The following SPHKAP variants were observed in gnomAD, a reference collection of about 807,000 sequenced individuals.
The protein encoded by SPHKAP is A-kinase anchor protein SPHKAP.
A neutral mutation model predicts 137.5 loss-of-function variants in SPHKAP; 67 were observed. That is an observed-to-expected ratio of 0.49 (90% CI 0.40 to 0.60). SPHKAP has a LOEUF of 0.60. Ranked by LOEUF, SPHKAP falls within the 20% of genes least tolerant of loss-of-function variation. The probability of loss-of-function intolerance (pLI) is 0.00; values close to 1 mark genes in which losing one functional copy is unlikely to be tolerated. For missense variants in SPHKAP, 2,097 were observed against 2,069.3 expected (o/e 1.01, Z -0.26); for synonymous variants, 813 against 785.3 (o/e 1.04, Z -0.59).
chr2:227,986,730 C>T lies in SPHKAP; in HGVS notation c.4959+4270G>A, dbSNP rs576197673. 3.0e-4 allele frequency among the ~76,000 whole-genome samples: 46 copies of T among 152,298 alleles called. No individual in the cohort carries two copies. The South Asian group carries it at 9.3e-3, about 31-fold the overall frequency. ...CACATACCCATTTCCTCCTTGGGCA[C>T]ATTCCTTTCTCTGCACTGCCCCCAT... On this transcript the variant is annotated intron_variant, in intron 11 of 11. Transcript: ENST00000392056.
chr2:227,994,079 C>G, intron 8 of SPHKAP: 1 of 985,354 alleles, frequency 1.0e-6, no homozygotes, highest in Non-Finnish European at 1.2e-6. Flanking sequence ...CTCATGTTCT[C>G]CCTTTGACAT....
chr2:228,103,033 C>T (rs530389005), intron 3 of SPHKAP, among the ~76,000 whole-genome samples: 1 of 152,278 alleles, frequency 6.6e-6, no homozygotes, highest in East Asian at 1.9e-4. Context: ...GTGTGAGCCA[C>T]CGCACCAGGC....
intron 1 of SPHKAP, among the ~76,000 whole-genome samples, chr2:228,136,292 T>C (rs1028253410): frequency 6.6e-6 from 1 of 152,234 alleles, no homozygotes; most frequent in Admixed American, 6.5e-5. Context: ...ACTGGTTTCA[T>C]GCTGAAACCG....
chr2:228,098,292 G>C (rs1698062059), intron 3 of SPHKAP, among the ~76,000 whole-genome samples: 1 of 152,114 alleles, frequency 6.6e-6, no homozygotes, highest in African/African-American at 2.4e-5. Context: ...CTTTTAAGAA[G>C]TGTCTGTTCC....
chr2:228,097,688 T>C (rs999636295), intron 3 of SPHKAP, among the ~76,000 whole-genome samples: 1 of 152,094 alleles, frequency 6.6e-6, no homozygotes, highest in African/African-American at 2.4e-5. Context: ...GTCTCCAGTG[T>C]CTGTTGTTCC....
At chr2:228,161,595 G>A (rs1023694438) in intron 1 of SPHKAP, among the ~76,000 whole-genome samples, 2 of 152,016 alleles carry the variant, frequency 1.3e-5, no homozygotes, top group African/African-American at 4.8e-5. Context: ...ATGCATGCTG[G>A]GCTTAATACC....
At chr2:228,158,331 T>C (rs1471267246) in intron 1 of SPHKAP, among the ~76,000 whole-genome samples, 2 of 150,642 alleles carry the variant, frequency 1.3e-5, no homozygotes, top group African/African-American at 2.4e-5. Flanking sequence ...TCTTTCTTTT[T>C]TTTTTTTTTT....
At chr2:228,029,420 C>T (rs1387824554) in intron 3 of SPHKAP, among the ~76,000 whole-genome samples, 2 of 152,146 alleles carry the variant, frequency 1.3e-5, no homozygotes, top group East Asian at 3.8e-4. Flanking sequence ...GTAAAGATCA[C>T]TACTGCTTTA....
chr2:228,134,772 T>A (rs1699380578), intron 1 of SPHKAP, among the ~76,000 whole-genome samples: 1 of 152,186 alleles, frequency 6.6e-6, no homozygotes, highest in South Asian at 2.1e-4. Context: ...CACAGCTCTG[T>A]GTCCTGTTGC....
chr2:228,178,181 T>C (rs550895793), intron 1 of SPHKAP, among the ~76,000 whole-genome samples: 1 of 152,302 alleles, frequency 6.6e-6, no homozygotes, highest in African/African-American at 2.4e-5. Flanking sequence ...AAATAAAGTA[T>C]GGATTTTCAA....
rs1213341609 is a variant in SPHKAP, at chr2:228,052,696, ATTTC to A, written c.247-25157_247-25154del. Among the ~76,000 whole-genome samples the A allele has an allele frequency of 2.6e-5, 4 of 152,250 alleles. No individual in the cohort carries two copies. The East Asian group carries it at 7.7e-4, about 29-fold the overall frequency. ...TTTAAGAATGATAAACATTCTAGAT[ATTTC>A]TTTATTTGTGGAGAGGTTACTTTTT... On this transcript the variant is annotated intron_variant, in intron 3 of 11. Coordinates refer to ENST00000392056, the MANE Select transcript of SPHKAP (RefSeq NM_001142644.2).
At chr2:228,009,871 G>A (rs1487699924) in intron 7 of SPHKAP, among the ~76,000 whole-genome samples, 2 of 152,188 alleles carry the variant, frequency 1.3e-5, no homozygotes, top group Non-Finnish European at 2.9e-5. Context: ...ACTCTGGCTA[G>A]TTGGGACTAA....
At chr2:228,029,555 G>A (rs1559356455) in intron 3 of SPHKAP, among the ~76,000 whole-genome samples, 1 of 152,132 alleles carries the variant, frequency 6.6e-6, no homozygotes. Context: ...GAAAGGGCAT[G>A]AAAGGACCCA....
Position 228,018,006 on chromosome 2 carries a change from C to G in SPHKAP, c.2848G>C (p.Asp950His). 1 of 1,614,100 alleles carries G rather than the reference C, an allele frequency of 6.2e-7. No homozygotes were observed. Among genetic ancestry groups the G allele is most frequent in the African/African-American group, 1.3e-5 (1 of 75,044 alleles). Residue 950 changes from aspartate to histidine, a missense_variant, in exon 7 of 12, where the codon GAC becomes CAC. Transcript: ENST00000392056. ...MATEIAAICL[D>H]NSSGKQPWFC... The stretch of plus-strand genomic sequence containing the variant: ...CAGGGTTGTTTTCCACTGGAGTTGT[C>G]AAGGCAAATCGCTGCAATTTCAGTT...
At chr2:228,154,508 C>CTATATATATATATATATATA (rs1331355468) in intron 1 of SPHKAP, among the ~76,000 whole-genome samples, 10 of 34,564 alleles carry the variant, frequency 2.9e-4, no homozygotes, top group Non-Finnish European at 4.6e-4. Context: ...CTCTCTCTCT[C>CTATATATATATATATATATA]TCTCTATATA....
chr2:228,073,762 T>C (rs59202606), intron 3 of SPHKAP, among the ~76,000 whole-genome samples: 2,826 of 152,332 alleles, frequency 0.019, 86 homozygotes, highest in African/African-American at 0.062. Flanking sequence ...AACGAACAAA[T>C]CTGCTGCCCT....
chr2:228,044,917 C>T (rs1695978861), intron 3 of SPHKAP, among the ~76,000 whole-genome samples: 1 of 151,996 alleles, frequency 6.6e-6, no homozygotes, highest in African/African-American at 2.4e-5. Context: ...AACAAACAAC[C>T]CCATCAAAAA....
At chr2:228,003,990 G>A (rs559876804) in intron 7 of SPHKAP, among the ~76,000 whole-genome samples, 39 of 152,218 alleles carry the variant, frequency 2.6e-4, no homozygotes, top group African/African-American at 8.7e-4. Flanking sequence ...CTTTTGCATC[G>A]ATGTTCATCA....
Position 227,980,649 on chromosome 2 carries a change from T to C in SPHKAP, c.*1068A>G, listed in dbSNP as rs184866333. On this transcript the variant is annotated 3_prime_UTR_variant, in exon 12 of 12. Transcript: ENST00000392056. ...ATATCTACGAGTCAGGGAAAGTCTATGATCCTAACTGATCATGTCAAACAC... is the reference window on the plus strand; with the variant it reads ...ATATCTACGAGTCAGGGAAAGTCTACGATCCTAACTGATCATGTCAAACAC... 1.6e-4 allele frequency: 23 copies of C among 147,610 alleles called. No homozygotes were observed. Among genetic ancestry groups the C allele is most frequent in the African/African-American group, 5.6e-4 (23 of 41,232 alleles). 9.1% of individuals were successfully genotyped at this position (147,610 alleles called of 1,614,324 possible). A position where few individuals can be genotyped will look rare whatever the true frequency, so the allele number is the denominator to read the frequency against.
Sources: gnomAD v4.1 joint callset for allele counts (sites outside exome capture counted in the v4.1 genomes callset) on GRCh38, gnomAD v4.1.1 for gene constraint, MANE v1.5 for transcripts, NCBI Gene and HGNC (gene_info 2026-07-23, HGNC 2026-07-21) for gene names.